TTN: variants seen among roughly 807,000 people sequenced by gnomAD.
TTN encodes the protein connectin.
Under a neutral mutation model 3,223.0 loss-of-function variants are expected in TTN, and 1,525 were observed. The observed-to-expected ratio is 0.47, with a 90% CI of 0.45 to 0.49. TTN has a LOEUF of 0.49. TTN is among the 20% of genes least tolerant of loss of function. TTN has a pLI of 0.00. For synonymous variants in TTN, 14,094 were observed against 15,161.0 expected, an observed-to-expected ratio of 0.93 and a Z score of 5.17; for missense variants, 40,786 against 43,424.0, an observed-to-expected ratio of 0.94 and a Z score of 5.40.
intron 3 of TTN, among the ~76,000 whole-genome samples, chr2:178,801,901 G>A (rs1170947686): frequency 6.6e-6 from 1 of 152,152 alleles, no homozygotes; most frequent in African/African-American, 2.4e-5. Flanking sequence ...ATACTTTTGA[G>A]TGTTTAATAT....
chr2:178,608,668 T>G lies in TTN; in HGVS notation c.52343A>C (p.Glu17448Ala). The G allele has an allele frequency of 1.9e-6, 3 of 1,612,154 alleles. No homozygotes were observed. Among genetic ancestry groups the G allele is most frequent in the Non-Finnish European group, 2.5e-6 (3 of 1,179,028 alleles). The change falls in exon 274 of 363, where the codon GAA (glutamate) becomes GCA (alanine). Residue 17448 changes from glutamate (E) to alanine (A), a missense_variant. Physicochemically the swap from Glu to Ala is moderately radical, Grantham distance 107. Coordinates refer to ENST00000589042, the MANE Select transcript of TTN (RefSeq NM_001267550.2). Reference protein sequence around the residue: ...GKEYLFRVRAENRFGPGPPCV... With the variant: ...GKEYLFRVRAANRFGPGPPCV... ...TGGTGGACCTGGCCCAAATCTGTTT[T>G]CAGCTCTTACACGGAAGAGGTACTC...
intron 288 of TTN, 125 bp downstream of exon 288, chr2:178,600,729 G>A (rs1443462242): frequency 9.0e-7 from 1 of 1,108,410 alleles, no homozygotes; most frequent in African/African-American, 1.5e-5. Context: ...ATGTGCCCAT[G>A]TCTACATTCA....
chr2:178,745,393 C>T (rs2083300617), intron 47 of TTN: 1 of 1,425,494 alleles, frequency 7.0e-7, no homozygotes, highest in African/African-American at 1.4e-5. Context: ...TTCCACAGTT[C>T]AGATAACAAA....
Position 178,569,225 on chromosome 2 carries a change from T to G in TTN, c.76907A>C (p.Tyr25636Ser). 1 of 1,604,496 alleles carries G rather than the reference T, an allele frequency of 6.2e-7. No individual in the cohort carries two copies. The highest frequency in any genetic ancestry group is 1.1e-5 in the South Asian group (1 of 89,574). The change falls in exon 326 of 363, where the codon TAC (tyrosine) becomes TCC (serine). Residue 25636 changes from tyrosine (Y) to serine (S), a missense_variant. Coordinates refer to ENST00000589042, the MANE Select transcript of TTN (RefSeq NM_001267550.2). Reference protein sequence around the residue: ...LLDGGSKIKNYIVEKREATRK... With the variant: ...LLDGGSKIKNSIVEKREATRK... ...TGTGGCTTCACGTTTCTCAACAATG[T>G]AATTTTTTATTTTGGATCCCCCATC... is the stretch of plus-strand genomic sequence containing the variant.
chr2:178,671,770 T>G (rs565855182), intron 155 of TTN, among the ~76,000 whole-genome samples: 1 of 151,876 alleles, frequency 6.6e-6, no homozygotes, highest in South Asian at 2.1e-4. Context: ...CTTAGATAAG[T>G]AGATATCAAA....
intron 98 of TTN, 68 bp from the exon 99 acceptor site, chr2:178,709,924 G>GA (rs545172214): frequency 1.3e-4 from 193 of 1,462,624 alleles, no homozygotes; most frequent in East Asian, 3.0e-4. Context: ...AGCTTTTCAA[G>GA]AAAAAAAACC....
intron 300 of TTN, 37 bp from the exon 301 acceptor site, chr2:178,592,697 A>C (rs762779500): frequency 1.2e-6 from 2 of 1,611,830 alleles, no homozygotes; most frequent in Non-Finnish European, 8.5e-7. Context: ...GATTTGATCC[A>C]TAATGCAGAT....
chr2:178,806,029 T>C (rs1478659656), intron 1 of TTN, among the ~76,000 whole-genome samples: 1 of 152,228 alleles, frequency 6.6e-6, no homozygotes, highest in Admixed American at 6.5e-5. Context: ...TCATTACTAT[T>C]TTTCATTAAA....
rs369380469 is a variant in TTN at position 178,769,868 on chromosome 2, C to T, written c.8713G>A (p.Val2905Met). Reference sequence around the variant, plus strand: ...ATGGAAGGGACATTGAAGTGGGACACCTCACACTCAAAAGAGGCAGTTTTG... The same window carrying T: ...ATGGAAGGGACATTGAAGTGGGACATCTCACACTCAAAAGAGGCAGTTTTG... ...ETKTASFECE[V>M]SHFNVPSMWL... Residue 2905 changes from valine (V) to methionine (M), a missense_variant, in exon 37 of 363, where the codon GTG becomes ATG. Transcript: ENST00000589042. 5.6e-6 allele frequency: 9 copies of T among 1,613,972 alleles called. No homozygotes were observed. The East Asian group carries it at 6.7e-5, about 12-fold the overall frequency.
chr2:178,610,343 C>G lies in TTN; in HGVS notation c.51183G>C (p.Lys17061Asn). ...CKDIKASDIT[K>N]SSCKLTWEPP... ...GTTCCCAAGTTAACTTACAAGAACT[C>G]TTGGTAATGTCACTTGCTTTAATAT... Residue 17061 changes from lysine to asparagine, a missense_variant, in exon 271 of 363, where the codon AAG (lysine) becomes AAC (asparagine). Coordinates refer to ENST00000589042, the MANE Select transcript of TTN (RefSeq NM_001267550.2). 6.2e-7 allele frequency: 1 copy of G among 1,612,738 alleles called. No homozygotes were observed. The highest frequency in any genetic ancestry group is 8.5e-7 in the Non-Finnish European group (1 of 1,179,182).
chr2:178,650,414 A>C (rs912671641), intron 209 of TTN, 143 bp from the exon 210 acceptor site: 6 of 885,516 alleles, frequency 6.8e-6, no homozygotes, highest in Non-Finnish European at 1.0e-5. Context: ...GATAAAATCT[A>C]TCTCATTTGC....
intron 46 of TTN, chr2:178,754,113 A>G (rs2086311279): frequency 6.6e-6 from 1 of 152,158 alleles, no homozygotes; most frequent in Non-Finnish European, 1.5e-5. Context: ...GATGAGAAGG[A>G]AAGGCAGCAT....
At chr2:178,678,374 G>T in intron 144 of TTN, 40 bp downstream of exon 144, 1 of 1,546,192 alleles carries the variant, frequency 6.5e-7, no homozygotes. Context: ...ATAGATGTGA[G>T]TTTTTTCCCC....
At chr2:178,694,756 ATAAC>A in intron 116 of TTN, 69 bp downstream of exon 116, 1 of 1,485,318 alleles carries the variant, frequency 6.7e-7, no homozygotes, top group Non-Finnish European at 9.1e-7. Context: ...GATTATATAA[ATAAC>A]TAATGTGAGT....
At chr2:178,610,688 G>C (rs536299029) in intron 270 of TTN, among the ~76,000 whole-genome samples, 2 of 152,124 alleles carry the variant, frequency 1.3e-5, no homozygotes, top group South Asian at 4.1e-4. Flanking sequence ...ATGGGAAAAT[G>C]TGAAGCTGTG....
intron 169 of TTN, 38 bp from the exon 170 acceptor site, chr2:178,663,940 G>C (rs761738799): frequency 6.2e-7 from 1 of 1,612,250 alleles, no homozygotes; most frequent in Non-Finnish European, 8.5e-7. Context: ...TAGGTGTTAT[G>C]AAGACCGCTA....
In TTN at chr2:178,532,536, A is replaced by G; in HGVS notation, c.104079T>C (p.Ala34693=). ...GTGGAGGGCTTCGACTTGGGGGTGA[A>G]GCTGAAAAACCTAACTCAAGCTCTT... ...LEEELELGFS[A]SPPSRSPPHF... Residue 34693 remains alanine, a synonymous_variant, in exon 358 of 363, where the codon GCT becomes GCC. Transcript: ENST00000589042. 4.3e-6 allele frequency: 7 copies of G among 1,613,960 alleles called. No individual in the cohort carries two copies. The highest frequency in any genetic ancestry group is 5.9e-6 in the Non-Finnish European group (7 of 1,179,858).
At chr2:178,753,802 C>A (rs149698545) in intron 46 of TTN, 6 of 152,380 alleles carry the variant, frequency 3.9e-5, no homozygotes, top group Middle Eastern at 3.4e-3. Flanking sequence ...CTTCAGTCCA[C>A]GTGGTATCCT....
At position 178,740,964 on chromosome 2, in the gene TTN, T is replaced by C; in HGVS notation, c.12269A>G (p.Gln4090Arg). 6.2e-7 allele frequency: 1 copy of C among 1,613,944 alleles called. No individual in the cohort carries two copies. The highest frequency in any genetic ancestry group is 8.5e-7 in the Non-Finnish European group (1 of 1,179,840). The stretch of plus-strand genomic sequence containing the variant: ...AGCAATATGCTCATAAGATAGTTGC[T>C]GGTTTTCTTCTGTAATTAAAGCAGC... ...LKAALITEENQQLSYEHIAKA... is the reference protein window; with the variant it reads ...LKAALITEENRQLSYEHIAKA... The change falls in exon 48 of 363, where the codon CAG (glutamine) becomes CGG (arginine). Residue 4090 changes from glutamine (Q) to arginine (R), a missense_variant. Coordinates refer to ENST00000589042, the MANE Select transcript of TTN (RefSeq NM_001267550.2).
Sources: allele counts gnomAD v4.1 joint callset (sites outside exome capture counted in the v4.1 genomes callset), GRCh38; gene constraint gnomAD v4.1.1; transcripts MANE v1.5; gene names NCBI Gene and HGNC (gene_info 2026-07-23, HGNC 2026-07-21).